Variants in P3H2 observed in about 807,000 individuals in gnomAD.
P3H2 encodes the protein prolyl 3-hydroxylase 2.
A neutral mutation model predicts 87.0 loss-of-function variants in P3H2; 80 were observed. The observed-to-expected ratio is 0.92, with a 90% CI of 0.77 to 1.11. The LOEUF is 1.11. Among genes scored for constraint, P3H2 ranks in the 50% least tolerant of loss-of-function variants. P3H2 has a pLI of 0.00. For missense variants in P3H2, 1,001 were observed against 923.9 expected (o/e 1.08, Z -1.08); for synonymous variants, 367 against 359.3 (o/e 1.02, Z -0.24).
chr3:189,986,000 CTA>C (rs909913709), intron 6 of P3H2, among the ~76,000 whole-genome samples: 1 of 152,076 alleles, frequency 6.6e-6, no homozygotes, highest in African/African-American at 2.4e-5. Flanking sequence ...TCTGCAAAAG[CTA>C]TGTCTTCATA....
intron 1 of P3H2, among the ~76,000 whole-genome samples, chr3:190,054,509 A>AT (rs976873716): frequency 6.6e-5 from 10 of 150,966 alleles, no homozygotes; most frequent in Non-Finnish European, 1.0e-4. Flanking sequence ...TAGGATCTTT[A>AT]TTTTTTTTTC....
At chr3:190,025,387 A>T (rs1725057689) in intron 1 of P3H2, among the ~76,000 whole-genome samples, 1 of 152,186 alleles carries the variant, frequency 6.6e-6, no homozygotes, top group African/African-American at 2.4e-5. Flanking sequence ...TAGCATGGTG[A>T]GTTAGTCAAG....
intron 1 of P3H2, among the ~76,000 whole-genome samples, chr3:190,047,500 C>T (rs550535813): frequency 6.6e-6 from 1 of 152,236 alleles, no homozygotes; most frequent in South Asian, 2.1e-4. Flanking sequence ...CATCAATGAA[C>T]ATGAAAGTAC....
rs7637518 is a variant in P3H2, at chr3:189,989,319, T to C, written c.824-281A>G. ...TTTCCCTTCCCATGTACACTTTTTA[T>C]ACCCCACAGTCCACTTTACCCCACC... On this transcript the variant is annotated intron_variant, in intron 3 of 14. Transcript: ENST00000319332. Among the ~76,000 whole-genome samples, 3,470 of 152,250 alleles carry C rather than the reference T, an allele frequency of 0.023. 101 individuals carry two copies. Among genetic ancestry groups the C allele is most frequent in the African/African-American group, 0.071 (2,964 of 41,546 alleles).
intron 1 of P3H2, among the ~76,000 whole-genome samples, chr3:190,094,797 C>A (rs1727518662): frequency 6.6e-6 from 1 of 152,166 alleles, no homozygotes; most frequent in Non-Finnish European, 1.5e-5. Flanking sequence ...AGGAAGAGGA[C>A]CACTTTTCTT....
chr3:190,082,528 C>T (rs1394512763), intron 1 of P3H2, among the ~76,000 whole-genome samples: 1 of 152,114 alleles, frequency 6.6e-6, no homozygotes, highest in African/African-American at 2.4e-5. Flanking sequence ...ATTGGGATAG[C>T]CTCCAACTCA....
intron 1 of P3H2, among the ~76,000 whole-genome samples, chr3:190,085,568 AT>A (rs1187030380): frequency 3.3e-5 from 5 of 152,296 alleles, no homozygotes; most frequent in African/African-American, 9.6e-5. Context: ...ACTCTTTAAA[AT>A]TGTTGTTCCT....
chr3:190,008,370 T>C (rs779086240), intron 1 of P3H2, among the ~76,000 whole-genome samples: 1 of 152,122 alleles, frequency 6.6e-6, no homozygotes, highest in Non-Finnish European at 1.5e-5. Flanking sequence ...AGTTTCTCCA[T>C]GCCACCCAGA....
intron 3 of P3H2, among the ~76,000 whole-genome samples, chr3:189,993,095 G>A (rs544931566): frequency 6.6e-6 from 1 of 152,164 alleles, no homozygotes; most frequent in South Asian, 2.1e-4. Flanking sequence ...AGCCGAGGTG[G>A]GCGGATTACC....
At chr3:189,978,883 T>G (rs1723435725) in intron 8 of P3H2, among the ~76,000 whole-genome samples, 2 of 152,180 alleles carry the variant, frequency 1.3e-5, no homozygotes, top group Admixed American at 1.3e-4. Flanking sequence ...TTCAGCCAAT[T>G]CTTAACCACA....
chr3:190,083,072 A>C (rs1452844741), intron 1 of P3H2, among the ~76,000 whole-genome samples: 2 of 152,244 alleles, frequency 1.3e-5, no homozygotes, highest in Non-Finnish European at 2.9e-5. Flanking sequence ...AAATTCTCAC[A>C]ACCAAGCAGC....
chr3:190,120,703 A>G lies in P3H2; in HGVS notation c.29T>C (p.Leu10Pro), dbSNP rs774895793. ...CAGTAGCAGCGGCAGCAGCAGCAGC[A>G]GCGGCGGCGCCCAGATGCGCTCCCG... The part of the protein sequence containing the change: MRERIWAPP[L>P]LLLLPLLLPP... The change falls in exon 1 of 15, where the codon CTG becomes CCG. Residue 10 changes from leucine (L) to proline (P), a missense_variant. Physicochemically the swap from Leu to Pro is moderately conservative, Grantham distance 98. Transcript: ENST00000319332. 274 of 1,517,780 alleles carry G rather than the reference A, an allele frequency of 1.8e-4. No individual in the cohort carries two copies. The highest frequency in any genetic ancestry group is 4.9e-4 in the East Asian group (19 of 39,106). The allele number at this position is 1,517,780 out of a possible 1,614,324, so 94.0% of individuals were successfully genotyped here.
At chr3:190,007,254 T>C (rs1724415855) in intron 1 of P3H2, among the ~76,000 whole-genome samples, 1 of 152,206 alleles carries the variant, frequency 6.6e-6, no homozygotes, top group Non-Finnish European at 1.5e-5. Flanking sequence ...CTTGTACTTC[T>C]CTTTCTCATA....
Position 190,067,261 on chromosome 3 carries a change from G to T in P3H2, c.480+52991C>A, listed in dbSNP as rs111827289. On this transcript the variant is annotated intron_variant, in intron 1 of 14. Coordinates refer to ENST00000319332, the MANE Select transcript of P3H2 (RefSeq NM_018192.4). Reference sequence around the variant, plus strand: ...CATCTTTCAGACTCAAGGCATTCAAGAAATATTTACTAAATAAAAAGTGAA... The same window carrying T: ...CATCTTTCAGACTCAAGGCATTCAATAAATATTTACTAAATAAAAAGTGAA... 2.6e-3 allele frequency among the ~76,000 whole-genome samples: 402 copies of T among 152,084 alleles called. 3 individuals are homozygous for T. The highest frequency in any genetic ancestry group is 4.2e-3 in the Non-Finnish European group (287 of 67,984).
chr3:190,014,096 A>G (rs936587254), intron 1 of P3H2, among the ~76,000 whole-genome samples: 1 of 152,218 alleles, frequency 6.6e-6, no homozygotes, highest in African/African-American at 2.4e-5. Context: ...CAGGTGAGGA[A>G]TTAGGGAATG....
At chr3:190,090,000 GT>G (rs1369085855) in intron 1 of P3H2, among the ~76,000 whole-genome samples, 2 of 152,150 alleles carry the variant, frequency 1.3e-5, no homozygotes, top group African/African-American at 4.8e-5. Flanking sequence ...TAAAGAACTT[GT>G]GGTTTGGTGT....
chr3:190,016,751 T>C (rs1050914436), intron 1 of P3H2, among the ~76,000 whole-genome samples: 1 of 152,228 alleles, frequency 6.6e-6, no homozygotes, highest in Non-Finnish European at 1.5e-5. Context: ...CTCTCTCCTC[T>C]GGTACTTGCA....
chr3:190,106,874 T>C (rs781686813), intron 1 of P3H2, among the ~76,000 whole-genome samples: 1 of 152,216 alleles, frequency 6.6e-6, no homozygotes, highest in African/African-American at 2.4e-5. Context: ...TTGGATCTCA[T>C]GATTGTTGAA....
chr3:190,116,753 TATGA>T (rs1310453406), intron 1 of P3H2: 11 of 152,336 alleles, frequency 7.2e-5, no homozygotes, highest in African/African-American at 1.4e-4. Context: ...CGTCTTAGGC[TATGA>T]ATCATGGGTT....
Sources: gnomAD v4.1 joint callset for allele counts (sites outside exome capture counted in the v4.1 genomes callset) on GRCh38, gnomAD v4.1.1 for gene constraint, MANE v1.5 for transcripts, NCBI Gene and HGNC (gene_info 2026-07-23, HGNC 2026-07-21) for gene names.